MAP4K3: variants seen among roughly 807,000 people sequenced by gnomAD.
MAP4K3 encodes the protein MAPK/ERK kinase kinase kinase 3.
MAP4K3 carries 94 observed loss-of-function variants against 143.5 expected under a neutral mutation model. That is an observed-to-expected ratio of 0.65 (90% confidence interval 0.55 to 0.78). The LOEUF is 0.78. MAP4K3 is among the 30% of genes least tolerant of loss of function. MAP4K3 has a pLI of 0.00. For missense variants in MAP4K3, 1,077 were observed against 1,068.1 expected, an observed-to-expected ratio of 1.01 and a Z score of -0.12; for synonymous variants, 416 against 347.2, an observed-to-expected ratio of 1.20 and a Z score of -2.20.
At chr2:39,277,972 C>T (rs901305884) in intron 24 of MAP4K3, among the ~76,000 whole-genome samples, 10 of 150,972 alleles carry the variant, frequency 6.6e-5, no homozygotes, top group Admixed American at 2.0e-4. Context: ...CATGGTGAAA[C>T]CCTATCTCTA....
chr2:39,290,948 G>A lies in MAP4K3; in HGVS notation c.1272-614C>T, dbSNP rs888475389. ...AAAAAAATTAGCCAGGTGTGGTGGC[G>A]GGTGCCTGTAGTCCCAGCAGGAGAA... On this transcript the variant is annotated intron_variant, in intron 18 of 33. Transcript: ENST00000263881. 9.2e-5 allele frequency among the ~76,000 whole-genome samples: 14 copies of A among 152,120 alleles called. 1 individual carries two copies. The East Asian group carries it at 2.1e-3, about 23-fold the overall frequency.
intron 2 of MAP4K3, among the ~76,000 whole-genome samples, chr2:39,357,325 A>G (rs1250561527): frequency 6.6e-6 from 1 of 152,250 alleles, no homozygotes; most frequent in African/African-American, 2.4e-5. Flanking sequence ...CTTTTAAAGT[A>G]TTATATACTA....
At position 39,258,594 on chromosome 2, in the gene MAP4K3, T is replaced by C. The variant is rs757829418; in HGVS notation, c.2309-7A>G. 3.1e-5 allele frequency: 50 copies of C among 1,606,688 alleles called. No homozygotes were observed. The highest frequency in any genetic ancestry group is 4.3e-5 in the Non-Finnish European group (50 of 1,173,634). On this transcript the variant is annotated splice_region_variant and splice_polypyrimidine_tract_variant and intron_variant, in intron 29 of 33. Transcript: ENST00000263881. ...ACATTTGTCTGTGGGGTATCTACAA[T>C]ACAAACAAATTTTGGTAAACCTACA...
At chr2:39,279,540 T>A (rs1232504096) in intron 23 of MAP4K3, among the ~76,000 whole-genome samples, 14 of 152,228 alleles carry the variant, frequency 9.2e-5, no homozygotes, top group Non-Finnish European at 1.5e-5. Context: ...CAGTTCTTAG[T>A]GGTTGCCTAA....
intron 13 of MAP4K3, among the ~76,000 whole-genome samples, chr2:39,309,803 C>A (rs1286966356): frequency 6.6e-6 from 1 of 151,840 alleles, no homozygotes; most frequent in Non-Finnish European, 1.5e-5. Context: ...CGTGATCCAC[C>A]CGCCTCGGCC....
chr2:39,304,530 T>C (rs1682626027), intron 15 of MAP4K3, among the ~76,000 whole-genome samples: 1 of 152,182 alleles, frequency 6.6e-6, no homozygotes, highest in Admixed American at 6.5e-5. Flanking sequence ...AGGATAGCTA[T>C]TATCGAAAGT....
At chr2:39,390,995 T>C (rs564124514) in intron 1 of MAP4K3, among the ~76,000 whole-genome samples, 2 of 152,166 alleles carry the variant, frequency 1.3e-5, no homozygotes, top group East Asian at 1.9e-4. Context: ...AGCAGCAGAA[T>C]AGTACTTCTG....
intron 2 of MAP4K3, among the ~76,000 whole-genome samples, chr2:39,360,532 A>G (rs929996564): frequency 1.3e-5 from 2 of 152,118 alleles, no homozygotes; most frequent in African/African-American, 4.8e-5. Context: ...AGGTATCTTT[A>G]CAGCAGCACC....
chr2:39,289,016 C>T (rs994356946), intron 19 of MAP4K3, among the ~76,000 whole-genome samples: 2 of 152,174 alleles, frequency 1.3e-5, no homozygotes, highest in African/African-American at 2.4e-5. Context: ...AGCGCCACTG[C>T]AGTCCAGCCT....
At chr2:39,307,112 A>T (rs1383538667) in intron 15 of MAP4K3, among the ~76,000 whole-genome samples, 1 of 152,242 alleles carries the variant, frequency 6.6e-6, no homozygotes, top group Non-Finnish European at 1.5e-5. Context: ...GCCAATCAAA[A>T]TTGAAAGATG....
chr2:39,288,672 T>C (rs1435419872), intron 19 of MAP4K3, among the ~76,000 whole-genome samples: 1 of 152,194 alleles, frequency 6.6e-6, no homozygotes, highest in Admixed American at 6.5e-5. Flanking sequence ...GTATCAAGGC[T>C]AATCTAAGCT....
At chr2:39,339,874 T>C (rs934346894) in intron 4 of MAP4K3, among the ~76,000 whole-genome samples, 1 of 151,976 alleles carries the variant, frequency 6.6e-6, no homozygotes, top group African/African-American at 2.4e-5. Context: ...CCACATAGAA[T>C]TCCCACTGAA....
chr2:39,398,350 G>C (rs376427424), intron 1 of MAP4K3, among the ~76,000 whole-genome samples: 2 of 151,870 alleles, frequency 1.3e-5, no homozygotes, highest in Admixed American at 1.3e-4. Flanking sequence ...TATAACGAGA[G>C]AGCTCCATGG....
intron 29 of MAP4K3, among the ~76,000 whole-genome samples, chr2:39,260,177 G>A (rs1225548971): frequency 2.0e-5 from 3 of 152,116 alleles, no homozygotes; most frequent in South Asian, 2.1e-4. Flanking sequence ...ACAATGGTGC[G>A]AACATGGCTC....
At chr2:39,431,262 C>A (rs944592040) in intron 1 of MAP4K3, among the ~76,000 whole-genome samples, 4 of 152,216 alleles carry the variant, frequency 2.6e-5, no homozygotes, top group Middle Eastern at 6.8e-3. Flanking sequence ...TAGAGTATTC[C>A]AGGTGGAGAC....
In MAP4K3 at chr2:39,416,002, T is replaced by TATATATATATATATATATATAA. The variant is rs1553318623; in HGVS notation, c.96+20889_96+20890insTTATATATATATATATATATAT. Among the ~76,000 whole-genome samples the TATATATATATATATATATATAA allele has an allele frequency of 4.4e-5, 4 of 91,146 alleles. 1 individual carries two copies. The highest frequency in any genetic ancestry group is 1.9e-4 in the African/African-American group (4 of 21,392). 59.8% of individuals were successfully genotyped at this position (91,146 alleles called of 152,430 possible). On this transcript the variant is annotated intron_variant, in intron 1 of 33. Transcript: ENST00000263881. ...AAAAATATATATATATATATATATATATAAAAATAACATTTGGAAGAATAA... is the reference window on the plus strand; with the variant it reads ...AAAAATATATATATATATATATATATATATATATATATATATATATAAATAAAAATAACATTTGGAAGAATAA...
chr2:39,416,235 T>C (rs1667376096), intron 1 of MAP4K3, among the ~76,000 whole-genome samples: 2 of 151,820 alleles, frequency 1.3e-5, no homozygotes, highest in Non-Finnish European at 2.9e-5. Flanking sequence ...CTAAGCCTTC[T>C]ACATGAGCTT....
intron 1 of MAP4K3, among the ~76,000 whole-genome samples, chr2:39,434,240 C>T (rs1034408552): frequency 1.3e-5 from 2 of 152,162 alleles, no homozygotes; most frequent in African/African-American, 2.4e-5. Flanking sequence ...GTACTTCTCT[C>T]TAGCACAATT....
At chr2:39,422,976 G>C (rs1664924708) in intron 1 of MAP4K3, among the ~76,000 whole-genome samples, 1 of 152,036 alleles carries the variant, frequency 6.6e-6, no homozygotes, top group Non-Finnish European at 1.5e-5. Context: ...ACATTGTTAA[G>C]AGAATGAAAA....
Sources: gnomAD v4.1 joint callset for allele counts (sites outside exome capture counted in the v4.1 genomes callset) on GRCh38, gnomAD v4.1.1 for gene constraint, MANE v1.5 for transcripts, NCBI Gene and HGNC (gene_info 2026-07-23, HGNC 2026-07-21) for gene names.